The following TOGARAM2 variants were observed in gnomAD, a reference collection of about 807,000 sequenced individuals.
The protein encoded by TOGARAM2 is TOG array regulator of axonemal microtubules protein 2.
TOGARAM2 carries 85 observed loss-of-function variants against 93.3 expected under a neutral mutation model. The ratio of observed to expected loss-of-function variants is 0.91; its 90% CI spans 0.76 to 1.09. The LOEUF (loss-of-function observed/expected upper bound fraction) is 1.09, where lower values mean the gene tolerates loss of function less well. TOGARAM2 is among the 50% of genes least tolerant of loss of function. The pLI is 0.00. For missense variants in TOGARAM2, 1,277 were observed against 1,334.5 expected, an observed-to-expected ratio of 0.96 and a Z score of 0.67; for synonymous variants, 593 against 552.8, an observed-to-expected ratio of 1.07 and a Z score of -1.02.
At chr2:28,996,108 C>T (rs1292846455) in intron 2 of TOGARAM2, among the ~76,000 whole-genome samples, 1 of 152,174 alleles carries the variant, frequency 6.6e-6, no homozygotes, top group African/African-American at 2.4e-5. Context: ...TTCTCTTTCT[C>T]TTTTAAAAAT....
intron 1 of TOGARAM2, among the ~76,000 whole-genome samples, chr2:28,993,241 A>G (rs1361356993): frequency 6.6e-6 from 1 of 152,192 alleles, no homozygotes; most frequent in African/African-American, 2.4e-5. Context: ...GCTTTTCTGC[A>G]TATAATTTTC....
At chr2:28,979,248 A>G (rs1672078832), upstream of TOGARAM2, among the ~76,000 whole-genome samples, 1 of 152,090 alleles carries the variant, frequency 6.6e-6, no homozygotes, top group African/African-American at 2.4e-5. Context: ...TTTCATGTGG[A>G]TGTCACACCT....
At chr2:28,978,326 G>A (rs968862780), upstream of TOGARAM2, among the ~76,000 whole-genome samples, 5 of 64,074 alleles carry the variant, frequency 7.8e-5, no homozygotes, top group African/African-American at 2.2e-4. Flanking sequence ...CAGAGCAAGG[G>A]GAGAAGACCC....
At chr2:28,965,666 CAA>C (rs1325016564) in intron 1 of TOGARAM2, among the ~76,000 whole-genome samples, 9 of 152,318 alleles carry the variant, frequency 5.9e-5, no homozygotes, top group Non-Finnish European at 1.0e-4. Flanking sequence ...AGTAAAGACT[CAA>C]GAGGACTCCC....
chr2:29,022,860 G>C (rs1312118995), intron 11 of TOGARAM2, among the ~76,000 whole-genome samples: 1 of 152,198 alleles, frequency 6.6e-6, no homozygotes, highest in Non-Finnish European at 1.5e-5. Flanking sequence ...AGCACTGTCA[G>C]AGCTGAGGGC....
At chr2:29,033,393 T>C in intron 15 of TOGARAM2, 76 bp from the exon 16 acceptor site, 5 of 1,316,326 alleles carry the variant, frequency 3.8e-6, no homozygotes, top group Non-Finnish European at 5.4e-6. Context: ...GCCATTGTTA[T>C]GTCTCCACTG....
upstream of TOGARAM2, among the ~76,000 whole-genome samples, chr2:28,976,369 TCAAAAA>T (rs200925460): frequency 1.4e-5 from 2 of 143,436 alleles, no homozygotes; most frequent in Admixed American, 7.2e-5. Flanking sequence ...AGACTCCATC[TCAAAAA>T]CAACAACAAC....
At chr2:28,985,331 G>GTT (rs200905267) in intron 1 of TOGARAM2, among the ~76,000 whole-genome samples, 104 of 111,118 alleles carry the variant, frequency 9.4e-4, no homozygotes, top group African/African-American at 3.2e-3. Flanking sequence ...AAATTGCTGG[G>GTT]GTTTTTTTTT....
intron 1 of TOGARAM2, among the ~76,000 whole-genome samples, chr2:28,989,088 C>T (rs971959755): frequency 6.6e-6 from 1 of 152,180 alleles, no homozygotes. Flanking sequence ...CTTGCTCTGT[C>T]GCCCAGGCTG....
chr2:29,024,067 G>A (rs1665157676), intron 12 of TOGARAM2, 72 bp from the exon 13 acceptor site: 2 of 1,304,332 alleles, frequency 1.5e-6, no homozygotes, highest in East Asian at 2.5e-5. Flanking sequence ...GTGGTGCAGG[G>A]CCCATTTTCC....
At chr2:29,016,600 C>T (rs537792079) in intron 8 of TOGARAM2, among the ~76,000 whole-genome samples, 3 of 152,336 alleles carry the variant, frequency 2.0e-5, no homozygotes, top group African/African-American at 7.2e-5. Context: ...CATGTCACTC[C>T]TCTGCTCAAA....
chr2:29,027,868 G>A (rs1665504814), intron 14 of TOGARAM2, among the ~76,000 whole-genome samples: 1 of 152,116 alleles, frequency 6.6e-6, no homozygotes, highest in Admixed American at 6.5e-5. Context: ...TGGTGTCCAA[G>A]GGTGGGGACG....
intron 14 of TOGARAM2, among the ~76,000 whole-genome samples, chr2:29,028,676 A>G (rs1352511044): frequency 2.0e-5 from 3 of 152,060 alleles, no homozygotes; most frequent in Non-Finnish European, 2.9e-5. Flanking sequence ...AGAGAAAGGC[A>G]GGAGGAACAG....
At chr2:28,978,465 C>G (rs1177819718), upstream of TOGARAM2, among the ~76,000 whole-genome samples, 1 of 152,152 alleles carries the variant, frequency 6.6e-6, no homozygotes, top group Non-Finnish European at 1.5e-5. Context: ...GACATAGAAA[C>G]AGCTTTGTTC....
intron 7 of TOGARAM2, among the ~76,000 whole-genome samples, chr2:29,012,755 A>G (rs1664329859): frequency 6.6e-6 from 1 of 152,216 alleles, no homozygotes; most frequent in African/African-American, 2.4e-5. Flanking sequence ...TCTGTGTGCA[A>G]CATGCCTAGC....
chr2:29,043,630 G>T (rs565224956), intron 18 of TOGARAM2, among the ~76,000 whole-genome samples: 1 of 152,202 alleles, frequency 6.6e-6, no homozygotes, highest in Non-Finnish European at 1.5e-5. Flanking sequence ...AAGACACAAA[G>T]CCACATCTCT....
intron 9 of TOGARAM2, 116 bp downstream of exon 9, chr2:29,017,420 A>G (rs1664653332): frequency 3.0e-5 from 32 of 1,061,390 alleles, no homozygotes; most frequent in Non-Finnish European, 3.8e-5. Flanking sequence ...TTATGTATTT[A>G]TTTAGAGATG....
At chr2:28,992,835 A>G (rs1415712724) in intron 1 of TOGARAM2, among the ~76,000 whole-genome samples, 2 of 152,246 alleles carry the variant, frequency 1.3e-5, no homozygotes, top group Admixed American at 6.5e-5. Context: ...CGAGGCAGGC[A>G]GATTACTTGA....
At chr2:29,000,668 G>A (rs1673239007) in intron 4 of TOGARAM2, among the ~76,000 whole-genome samples, 2 of 152,136 alleles carry the variant, frequency 1.3e-5, no homozygotes, top group Non-Finnish European at 2.9e-5. Flanking sequence ...CTGCCGTCAA[G>A]CCTGGGGTTG....
Sources: allele counts gnomAD v4.1 joint callset (sites outside exome capture counted in the v4.1 genomes callset), GRCh38; gene constraint gnomAD v4.1.1; transcripts MANE v1.5; gene names NCBI Gene and HGNC (gene_info 2026-07-23, HGNC 2026-07-21).